Variants in DPYSL5 observed in about 807,000 individuals in gnomAD.
DPYSL5 encodes dihydropyrimidinase like 5.
In DPYSL5, 9 loss-of-function variants were observed where a neutral mutation model predicts 58.4. The observed-to-expected ratio is 0.15, with a 90% confidence interval of 0.09 to 0.27. The LOEUF (loss-of-function observed/expected upper bound fraction) is 0.27, where lower values mean the gene tolerates loss of function less well. Among genes scored for constraint, DPYSL5 ranks in the 10% least tolerant of loss-of-function variants. The pLI is 1.00. For missense variants in DPYSL5, 499 were observed against 770.6 expected, an observed-to-expected ratio of 0.65 and a Z score of 4.17; for synonymous variants, 293 against 301.9, an observed-to-expected ratio of 0.97 and a Z score of 0.31.
At chr2:26,855,577 G>C (rs1471356138) in intron 1 of DPYSL5, among the ~76,000 whole-genome samples, 1 of 152,136 alleles carries the variant, frequency 6.6e-6, no homozygotes, top group Non-Finnish European at 1.5e-5. Context: ...TTTGGCAAAG[G>C]GGTTGAGGTC....
intron 2 of DPYSL5, among the ~76,000 whole-genome samples, chr2:26,909,773 C>CA (rs35016575): frequency 5.8e-4 from 85 of 147,318 alleles, no homozygotes; most frequent in South Asian, 3.2e-3. Context: ...TGTCTAAAAA[C>CA]AAAAAAAAAA....
Position 26,942,561 on chromosome 2 carries a change from G to A in DPYSL5, c.1251G>A (p.Thr417=), listed in dbSNP as rs1665351951. ...CCACCAGGACCATCTCAGCCAGCAC[G>A]CAGGTCCAGGGAGGAGACTTCAACC... ...PEATKTISAS[T]QVQGGDFNLY... Residue 417 remains threonine, a synonymous_variant, in exon 11 of 13, where the codon ACG becomes ACA. Transcript: ENST00000288699. This position sits in a 1 kb window ranked among gnomAD's most constrained non-coding sequence, Gnocchi z 5.9. 2 of 1,614,058 alleles carry A rather than the reference G, an allele frequency of 1.2e-6. No homozygotes were observed. The highest frequency in any genetic ancestry group is 2.2e-5 in the East Asian group (1 of 44,878).
rs1416269318 is a variant in DPYSL5, at chr2:26,877,511, G to T, written c.-4-20985G>T. The stretch of plus-strand genomic sequence containing the variant: ...GCTGAGTACATGCTGGGAAGATCAT[G>T]TCAACCCTTGGAGCAGCTAGTGTTT... On this transcript the variant is annotated intron_variant, in intron 1 of 12. Coordinates refer to ENST00000288699, the MANE Select transcript of DPYSL5 (RefSeq NM_020134.4). This position sits in a 1 kb window ranked among gnomAD's most constrained non-coding sequence, Gnocchi z 4.1. Among the ~76,000 whole-genome samples the T allele has an allele frequency of 6.6e-6, 1 of 152,124 alleles. No homozygotes were observed. Among genetic ancestry groups the T allele is most frequent in the Non-Finnish European group, 1.5e-5 (1 of 68,024 alleles).
chr2:26,850,407 C>T (rs1665722252), intron 1 of DPYSL5, among the ~76,000 whole-genome samples: 1 of 152,194 alleles, frequency 6.6e-6, no homozygotes, highest in Non-Finnish European at 1.5e-5. Context: ...TTGCAAGTCA[C>T]CGCTGCAGCG....
intron 2 of DPYSL5, among the ~76,000 whole-genome samples, chr2:26,912,114 C>A (rs943545728): frequency 3.9e-5 from 6 of 152,236 alleles, no homozygotes; most frequent in African/African-American, 1.4e-4. Flanking sequence ...ACCTCAGGCC[C>A]ACCCATCAGA....
chr2:26,851,552 A>C (rs1347995876), intron 1 of DPYSL5, among the ~76,000 whole-genome samples: 1 of 152,096 alleles, frequency 6.6e-6, no homozygotes, highest in Non-Finnish European at 1.5e-5. Context: ...ATTTCCCCTT[A>C]ATAGCTTCTC....
intron 2 of DPYSL5, among the ~76,000 whole-genome samples, chr2:26,904,619 C>T (rs1412661802): frequency 2.0e-5 from 3 of 152,138 alleles, no homozygotes; most frequent in African/African-American, 2.4e-5. Context: ...GATGCATGAA[C>T]GTGCCAGGCG....
At chr2:26,938,681 C>T (rs1665242272) in intron 8 of DPYSL5, 1 of 152,316 alleles carries the variant, frequency 6.6e-6, no homozygotes, top group Non-Finnish European at 1.5e-5. Flanking sequence ...TATGCTTCCT[C>T]ACCAGGTCAG....
chr2:26,860,082 G>C (rs1387563814), intron 1 of DPYSL5, among the ~76,000 whole-genome samples: 1 of 152,164 alleles, frequency 6.6e-6, no homozygotes, highest in African/African-American at 2.4e-5. Flanking sequence ...TGAACTAAAG[G>C]GATGCTAATA....
At position 26,948,863 on chromosome 2, in the gene DPYSL5, C is replaced by T. The variant is rs532775014; in HGVS notation, c.*1868C>T. 6.6e-6 allele frequency: 1 copy of T among 152,514 alleles called. No individual in the cohort carries two copies. Among genetic ancestry groups the T allele is most frequent in the East Asian group, 1.9e-4 (1 of 5,160 alleles). 9.4% of individuals were successfully genotyped at this position (152,514 alleles called of 1,614,324 possible). A position where few individuals can be genotyped will look rare whatever the true frequency, so the allele number is the denominator to read the frequency against. On this transcript the variant is annotated 3_prime_UTR_variant, in exon 13 of 13. Coordinates refer to ENST00000288699, the MANE Select transcript of DPYSL5 (RefSeq NM_020134.4). The stretch of plus-strand genomic sequence containing the variant: ...CAGAGTGAGACTCCATCTCAAAAAA[C>T]AGACAAACAAAAAAGTCAGCCCCTG...
At chr2:26,936,467 G>A (rs941020448) in intron 8 of DPYSL5, among the ~76,000 whole-genome samples, 3 of 152,188 alleles carry the variant, frequency 2.0e-5, no homozygotes, top group Non-Finnish European at 2.9e-5. Context: ...CGATAGGGGC[G>A]TGGGCGAAGG....
At chr2:26,928,387 A>T in intron 5 of DPYSL5, 64 bp downstream of exon 5, 1 of 1,556,040 alleles carries the variant, frequency 6.4e-7, no homozygotes, top group South Asian at 1.1e-5. Context: ...ATCTTCCAGG[A>T]TGGAGGAGAC....
chr2:26,897,832 G>A (rs1471770891), intron 1 of DPYSL5, among the ~76,000 whole-genome samples: 1 of 152,184 alleles, frequency 6.6e-6, no homozygotes, highest in African/African-American at 2.4e-5. Flanking sequence ...GGTGGGGCTT[G>A]GGCATACATA....
chr2:26,934,837 C>CCATAG lies in DPYSL5; in HGVS notation c.947+104_947+108dup. On this transcript the variant is annotated intron_variant, in intron 8 of 12. Transcript: ENST00000288699. The surrounding 1 kb of genome is among the most constrained non-coding windows in gnomAD (Gnocchi z 4.3). ...TGAGCTAGGTTTGATTTCATTGTGCCCATAGGATCATTGTGCTTTTCTTAC... is the reference window on the plus strand; with the variant it reads ...TGAGCTAGGTTTGATTTCATTGTGCCCATAGCATAGGATCATTGTGCTTTTCTTAC... 1 of 1,454,344 alleles carries CCATAG rather than the reference C, an allele frequency of 6.9e-7. No individual in the cohort carries two copies. The highest frequency in any genetic ancestry group is 9.4e-7 in the Non-Finnish European group (1 of 1,065,256). 90.1% of individuals were successfully genotyped at this position (1,454,344 alleles called of 1,614,324 possible). A position where few individuals can be genotyped will look rare whatever the true frequency, so the allele number is the denominator to read the frequency against.
rs1572709540 is a variant in DPYSL5 at position 26,924,792 on chromosome 2, T to C, written c.262-95T>C. On this transcript the variant is annotated intron_variant, in intron 2 of 12. Coordinates refer to ENST00000288699, the MANE Select transcript of DPYSL5 (RefSeq NM_020134.4). This position sits in a 1 kb window ranked among gnomAD's most constrained non-coding sequence, Gnocchi z 4.7. ...TCACAGCCTCTTGTGAGGCAGGGCC[T>C]GTCTTTGAATGGACCATGAGGACCA... 6.8e-7 allele frequency: 1 copy of C among 1,474,128 alleles called. No individual in the cohort carries two copies. The highest frequency in any genetic ancestry group is 1.4e-5 in the South Asian group (1 of 71,988). The allele number at this position is 1,474,128 out of a possible 1,614,324, so 91.3% of individuals were successfully genotyped here. A position where few individuals can be genotyped will look rare whatever the true frequency, so the allele number is the denominator to read the frequency against.
intron 2 of DPYSL5, among the ~76,000 whole-genome samples, chr2:26,918,354 T>G (rs1336615150): frequency 6.6e-6 from 1 of 152,134 alleles, no homozygotes; most frequent in African/African-American, 2.4e-5. Flanking sequence ...TTTTGGGGGT[T>G]GTTCACATCC....
At chr2:26,891,467 G>A (rs930029242) in intron 1 of DPYSL5, among the ~76,000 whole-genome samples, 4 of 152,110 alleles carry the variant, frequency 2.6e-5, no homozygotes, top group East Asian at 1.9e-4. Context: ...GTTAGCCTCC[G>A]GAGACTTCCA....
chr2:26,936,481 C>T (rs939711085), intron 8 of DPYSL5, among the ~76,000 whole-genome samples: 4 of 152,156 alleles, frequency 2.6e-5, no homozygotes, highest in Admixed American at 2.6e-4. Flanking sequence ...GCGAAGGTGG[C>T]CTCTGTGGAG....
rs1558351338 is a variant in DPYSL5 at position 26,932,124 on chromosome 2, AG to A, written c.714+441del. Among the ~76,000 whole-genome samples, 132 of 138,722 alleles carry A rather than the reference AG, an allele frequency of 9.5e-4. 3 individuals carry two copies. The highest frequency in any genetic ancestry group is 3.6e-3 in the Middle Eastern group (1 of 274). 91.0% of individuals were successfully genotyped at this position (138,722 alleles called of 152,430 possible). A position where few individuals can be genotyped will look rare whatever the true frequency, so the allele number is the denominator to read the frequency against. ...GAAAGAAAGAAAAGAAAAAAGAAAG[AG>A]AAAGAAAGAAAGAGAAAGAAAGAAA... On this transcript the variant is annotated intron_variant, in intron 6 of 12. Coordinates refer to ENST00000288699, the MANE Select transcript of DPYSL5 (RefSeq NM_020134.4).
Sources: gnomAD v4.1 joint callset for allele counts (sites outside exome capture counted in the v4.1 genomes callset) on GRCh38, gnomAD v4.1.1 for gene constraint, Gnocchi (gnomAD v3.1) non-coding constraint, MANE v1.5 for transcripts, NCBI Gene and HGNC (gene_info 2026-07-23, HGNC 2026-07-21) for gene names.